Variants in FAF1 observed in about 807,000 individuals in gnomAD.
FAF1 encodes the protein Fas associated factor 1.
Under a neutral mutation model 92.5 loss-of-function variants are expected in FAF1, and 25 were observed. The observed-to-expected ratio is 0.27, with a 90% confidence interval of 0.20 to 0.38. The LOEUF (loss-of-function observed/expected upper bound fraction) is 0.38, where lower values mean the gene tolerates loss of function less well. FAF1 is among the 10% of genes least tolerant of loss of function. FAF1 has a pLI of 1.00. For missense variants in FAF1, 636 were observed against 793.3 expected, an observed-to-expected ratio of 0.80 and a Z score of 2.38; for synonymous variants, 234 against 273.2, an observed-to-expected ratio of 0.86 and a Z score of 1.42.
intron 15 of FAF1, among the ~76,000 whole-genome samples, chr1:50,507,503 G>A (rs1224027001): frequency 6.6e-6 from 1 of 152,210 alleles, no homozygotes. Context: ...TTTTTTGGGG[G>A]CCAAAGTCGG....
At chr1:50,708,535 G>A (rs1306589326) in intron 6 of FAF1, among the ~76,000 whole-genome samples, 1 of 151,688 alleles carries the variant, frequency 6.6e-6, no homozygotes, top group East Asian at 1.9e-4. Context: ...AAAAAAAAAT[G>A]TCATGTAGAG....
intron 13 of FAF1, among the ~76,000 whole-genome samples, chr1:50,560,025 C>T (rs1041390538): frequency 1.5e-4 from 23 of 152,196 alleles, no homozygotes; most frequent in African/African-American, 5.1e-4. Flanking sequence ...TCTGCAGAAT[C>T]CATATTTGTA....
intron 7 of FAF1, among the ~76,000 whole-genome samples, chr1:50,690,329 G>A (rs1656863643): frequency 6.6e-6 from 1 of 152,122 alleles, no homozygotes; most frequent in Non-Finnish European, 1.5e-5. Context: ...ATACTGGCCA[G>A]GCATGGTGGC....
At chr1:50,720,507 G>A (rs1166292760) in intron 6 of FAF1, among the ~76,000 whole-genome samples, 3 of 152,062 alleles carry the variant, frequency 2.0e-5, no homozygotes, top group Non-Finnish European at 4.4e-5. Flanking sequence ...TACTTTTACG[G>A]ATAAATATTG....
chr1:50,932,685 T>C (rs960244725), intron 1 of FAF1, among the ~76,000 whole-genome samples: 4 of 152,176 alleles, frequency 2.6e-5, no homozygotes, highest in Non-Finnish European at 4.4e-5. Flanking sequence ...GGTGGCCCTC[T>C]TCTCACAGCT....
chr1:50,585,533 T>C (rs1217090195), intron 9 of FAF1, among the ~76,000 whole-genome samples: 1 of 152,210 alleles, frequency 6.6e-6, no homozygotes, highest in Non-Finnish European at 1.5e-5. Flanking sequence ...TTCTCTAGGT[T>C]AGAATGTGAT....
At chr1:50,545,643 A>C (rs999768941) in intron 13 of FAF1, among the ~76,000 whole-genome samples, 1 of 152,258 alleles carries the variant, frequency 6.6e-6, no homozygotes, top group Non-Finnish European at 1.5e-5. Flanking sequence ...TAAAGAAAAA[A>C]AACTGGCTTT....
intron 8 of FAF1, among the ~76,000 whole-genome samples, chr1:50,644,464 G>T (rs573991742): frequency 6.6e-6 from 1 of 152,286 alleles, no homozygotes; most frequent in South Asian, 2.1e-4. Flanking sequence ...ACAGAGACTG[G>T]TATTCAGCTA....
At chr1:50,748,462 A>G (rs1037847612) in intron 4 of FAF1, among the ~76,000 whole-genome samples, 10 of 150,664 alleles carry the variant, frequency 6.6e-5, no homozygotes, top group Non-Finnish European at 1.3e-4. Flanking sequence ...GCACCACTGC[A>G]CCTAGATGAC....
chr1:50,864,939 C>T (rs1366794832), intron 1 of FAF1, among the ~76,000 whole-genome samples: 1 of 152,018 alleles, frequency 6.6e-6, no homozygotes. Flanking sequence ...ACAACCTACT[C>T]ATCTGACAAA....
chr1:50,800,638 T>G (rs1234889168), intron 3 of FAF1, among the ~76,000 whole-genome samples: 1 of 152,144 alleles, frequency 6.6e-6, no homozygotes, highest in African/African-American at 2.4e-5. Flanking sequence ...CATCAACCAT[T>G]AAAGGTGGTA....
chr1:50,704,686 T>C (rs2124421974), intron 7 of FAF1, among the ~76,000 whole-genome samples: 1 of 151,980 alleles, frequency 6.6e-6, no homozygotes, highest in Non-Finnish European at 1.5e-5. Flanking sequence ...TGAAAAAAAA[T>C]TAAATAACGC....
chr1:50,584,626 A>C (rs1012761786), intron 10 of FAF1, 59 bp downstream of exon 10: 12 of 1,536,924 alleles, frequency 7.8e-6, no homozygotes, highest in Admixed American at 1.8e-5. Flanking sequence ...GTTCTTCATA[A>C]GTTTGTGTAC....
At chr1:50,944,592 A>C (rs1231459329) in intron 1 of FAF1, among the ~76,000 whole-genome samples, 1 of 152,148 alleles carries the variant, frequency 6.6e-6, no homozygotes, top group Non-Finnish European at 1.5e-5. Context: ...TTTGCATAAA[A>C]CCTACAGAAA....
intron 6 of FAF1, among the ~76,000 whole-genome samples, chr1:50,724,237 CA>C (rs79635813): frequency 0.41 from 36,150 of 88,720 alleles, 6,029 homozygotes; most frequent in Middle Eastern, 0.57. Flanking sequence ...GACTGTCTTT[CA>C]AAAAAAAAAA....
At chr1:50,673,262 AAAAAAAGAAAAG>A (rs1199034769) in intron 7 of FAF1, among the ~76,000 whole-genome samples, 3 of 152,106 alleles carry the variant, frequency 2.0e-5, no homozygotes, top group Non-Finnish European at 2.9e-5. Context: ...GTCTCAAAAA[AAAAAAAGAAAAG>A]AAAAAAGAAA....
chr1:50,959,985 G>A lies in FAF1; in HGVS notation c.-174C>T. On this transcript the variant is annotated 5_prime_UTR_variant, in exon 1 of 19. Transcript: ENST00000396153. ...GGGCGGGGCAGCGCGGGAAGCGCTA[G>A]GCGCTCATGCACTCGGTAACCTTCA... The A allele has an allele frequency of 2.5e-6, 1 of 394,160 alleles. No homozygotes were observed. The highest frequency in any genetic ancestry group is 4.4e-6 in the Non-Finnish European group (1 of 226,194). The allele number at this position is 394,160 out of a possible 1,614,324, so 24.4% of individuals were successfully genotyped here.
At chr1:50,760,201 C>T (rs1660266812) in intron 4 of FAF1, among the ~76,000 whole-genome samples, 1 of 151,790 alleles carries the variant, frequency 6.6e-6, no homozygotes. Flanking sequence ...TCCTGAGTGA[C>T]CTACAAAGAG....
At chr1:50,622,291 T>C (rs1244492322) in intron 8 of FAF1, among the ~76,000 whole-genome samples, 1 of 152,132 alleles carries the variant, frequency 6.6e-6, no homozygotes, top group Non-Finnish European at 1.5e-5. Context: ...CTCATTTCCT[T>C]AATACACCCC....
Sources: gnomAD v4.1 joint callset for allele counts (sites outside exome capture counted in the v4.1 genomes callset) on GRCh38, gnomAD v4.1.1 for gene constraint, MANE v1.5 for transcripts, NCBI Gene and HGNC (gene_info 2026-07-23, HGNC 2026-07-21) for gene names.